Variants in CTPS2 observed in about 807,000 individuals in gnomAD.
CTPS2 encodes CTP synthase II.
A neutral mutation model predicts 46.8 loss-of-function variants in CTPS2; 19 were observed. The ratio of observed to expected loss-of-function variants is 0.41; its 90% CI spans 0.28 to 0.60. CTPS2 has a LOEUF of 0.60. Among genes scored for constraint, CTPS2 ranks in the 20% least tolerant of loss-of-function variants. The pLI is 0.35. For synonymous variants in CTPS2, 151 were observed against 165.2 expected, an observed-to-expected ratio of 0.91 and a Z score of 0.66; for missense variants, 286 against 447.6, an observed-to-expected ratio of 0.64 and a Z score of 3.26.
chrX:16,592,849 C>A (rs1249692802), intron 17 of CTPS2, among the ~76,000 whole-genome samples: 1 of 111,598 alleles, frequency 9.0e-6, no homozygotes, highest in Non-Finnish European at 1.9e-5. Context: ...GCCCTGATTA[C>A]CTTGAGTCAC....
At chrX:16,617,341 G>C in intron 15 of CTPS2, 95 bp from the exon 16 acceptor site, 1 of 547,710 alleles carries the variant, frequency 1.8e-6, no homozygotes, top group South Asian at 3.6e-5. Flanking sequence ...CCATTTCAGT[G>C]ATCCTCTAAC....
intron 10 of CTPS2, among the ~76,000 whole-genome samples, chrX:16,674,382 A>C (rs1208984120): frequency 9.1e-6 from 1 of 109,611 alleles, no homozygotes; most frequent in African/African-American, 3.3e-5. Flanking sequence ...AGGCTGGTCT[A>C]GAACTCCTGA....
intron 1 of CTPS2, among the ~76,000 whole-genome samples, chrX:16,703,233 C>T (rs1924720805): frequency 9.1e-6 from 1 of 109,766 alleles, no homozygotes; most frequent in Non-Finnish European, 1.9e-5. Flanking sequence ...CACCATGTTG[C>T]CCACGCTGGT....
chrX:16,705,064 C>T (rs1324974038), intron 1 of CTPS2, among the ~76,000 whole-genome samples: 1 of 109,841 alleles, frequency 9.1e-6, no homozygotes, highest in African/African-American at 3.3e-5. Context: ...GTCAGGGAGG[C>T]TGGGCATAGC....
intron 17 of CTPS2, among the ~76,000 whole-genome samples, chrX:16,594,195 C>T (rs1322411655): frequency 1.8e-5 from 2 of 111,407 alleles, no homozygotes; most frequent in African/African-American, 6.5e-5. Context: ...TGTCCCCTAA[C>T]GCAAGTGACA....
At chrX:16,624,768 T>A (rs1195057952) in intron 14 of CTPS2, among the ~76,000 whole-genome samples, 1 of 111,824 alleles carries the variant, frequency 8.9e-6, no homozygotes, top group African/African-American at 3.3e-5. Context: ...TCCTAGTCTT[T>A]TTAGAGACAA....
chrX:16,668,133 G>T (rs985727083), intron 11 of CTPS2, among the ~76,000 whole-genome samples: 3 of 109,569 alleles, frequency 2.7e-5, no homozygotes, highest in African/African-American at 1.0e-4. Context: ...GTGGTGGCAT[G>T]CACCTATAGT....
At chrX:16,679,076 G>A (rs1362003893) in intron 9 of CTPS2, among the ~76,000 whole-genome samples, 3 of 111,052 alleles carry the variant, frequency 2.7e-5, no homozygotes, top group Admixed American at 9.6e-5. Context: ...ATCTCCAGCA[G>A]GCCGGGCGCA....
At position 16,645,517 on chromosome X, in the gene CTPS2, C is replaced by T. The variant is rs1193019069; in HGVS notation, c.1297-6274G>A. Among the ~76,000 whole-genome samples, 34 of 111,693 alleles carry T rather than the reference C, an allele frequency of 3.0e-4. 1 individual carries two copies. The highest frequency in any genetic ancestry group is 9.4e-5 in the Non-Finnish European group (5 of 53,180). On this transcript the variant is annotated intron_variant, in intron 13 of 18. Transcript: ENST00000359276. ...ACAGAGTCCTGCCTCTAACCTGAAG[C>T]AGTTTATTTCCCATTTCTGGCTTCC...
intron 2 of CTPS2, among the ~76,000 whole-genome samples, chrX:16,701,756 G>A (rs1193405982): frequency 3.7e-5 from 4 of 109,066 alleles, no homozygotes; most frequent in Non-Finnish European, 5.7e-5. Context: ...GCTCGCCACC[G>A]CGCCCGGCTA....
chrX:16,649,470 T>C (rs1421129296), intron 13 of CTPS2, among the ~76,000 whole-genome samples: 1 of 112,368 alleles, frequency 8.9e-6, no homozygotes, highest in Non-Finnish European at 1.9e-5. Context: ...TTTTAAACTA[T>C]GTAATATTGT....
At chrX:16,619,541 C>A (rs1002964666) in intron 15 of CTPS2, among the ~76,000 whole-genome samples, 1 of 110,947 alleles carries the variant, frequency 9.0e-6, no homozygotes, top group African/African-American at 3.3e-5. Flanking sequence ...GCTGAGATAA[C>A]CACAGAGACA....
rs751411300 is a variant in CTPS2, at chrX:16,693,532, T to C, written c.439-45A>G. Reference sequence around the variant, plus strand: ...AAAAAAAGACACAAATGACCACACATCTCCCACAGTACACAAGCTAATAAA... The same window carrying C: ...AAAAAAAGACACAAATGACCACACACCTCCCACAGTACACAAGCTAATAAA... On this transcript the variant is annotated intron_variant, in intron 4 of 18. Coordinates refer to ENST00000359276, the MANE Select transcript of CTPS2 (RefSeq NM_175859.3). 80 of 812,667 alleles carry C rather than the reference T, an allele frequency of 9.8e-5. No homozygotes were observed. The Admixed American group carries it at 1.5e-3, about 15-fold the overall frequency. The allele number at this position is 812,667 out of a possible 1,213,427, so 67.0% of individuals were successfully genotyped here.
chrX:16,602,392 A>G (rs1189443992), intron 17 of CTPS2, among the ~76,000 whole-genome samples: 1 of 111,107 alleles, frequency 9.0e-6, no homozygotes, highest in Non-Finnish European at 1.9e-5. Context: ...GCAGTTTTCC[A>G]GGAAGTGGGC....
intron 8 of CTPS2, among the ~76,000 whole-genome samples, chrX:16,686,450 T>C (rs1223390305): frequency 9.0e-6 from 1 of 111,673 alleles, no homozygotes; most frequent in Non-Finnish European, 1.9e-5. Flanking sequence ...AACCTGTGAA[T>C]GTGACCTTGT....
chrX:16,625,056 C>A (rs1931052177), intron 14 of CTPS2, among the ~76,000 whole-genome samples: 1 of 111,707 alleles, frequency 9.0e-6, no homozygotes, highest in Non-Finnish European at 1.9e-5. Context: ...GCAACTGAAC[C>A]TAATTTTTTC....
intron 13 of CTPS2, among the ~76,000 whole-genome samples, chrX:16,641,960 A>G (rs1255584414): frequency 7.2e-5 from 8 of 111,869 alleles, no homozygotes; most frequent in Non-Finnish European, 1.5e-4. Context: ...AAAGAATACT[A>G]TGAGATTATT....
rs1300151643 is a variant in CTPS2 at position 16,634,857 on chromosome X, G to T, written c.1393+4290C>A. Among the ~76,000 whole-genome samples, 5 of 109,889 alleles carry T rather than the reference G, an allele frequency of 4.6e-5. No individual in the cohort carries two copies. The East Asian group carries it at 1.4e-3, about 32-fold the overall frequency. On this transcript the variant is annotated intron_variant, in intron 14 of 18. Coordinates refer to ENST00000359276, the MANE Select transcript of CTPS2 (RefSeq NM_175859.3). ...TCGGCTACTCGAGAGGCTGAGGCAGGAGAATCGGTTGAACCTGGGAGGCGG... is the reference window on the plus strand; with the variant it reads ...TCGGCTACTCGAGAGGCTGAGGCAGTAGAATCGGTTGAACCTGGGAGGCGG...
chrX:16,667,145 T>TG (rs1446399945), intron 13 of CTPS2, among the ~76,000 whole-genome samples: 1 of 105,222 alleles, frequency 9.5e-6, no homozygotes, highest in Non-Finnish European at 2.0e-5. Context: ...GCCTTTTTTT[T>TG]TTTTTGAGAA....
Sources: gnomAD v4.1 joint callset for allele counts (sites outside exome capture counted in the v4.1 genomes callset) on GRCh38, gnomAD v4.1.1 for gene constraint, MANE v1.5 for transcripts, NCBI Gene and HGNC (gene_info 2026-07-23, HGNC 2026-07-21) for gene names.